The following HPSE2 variants were observed in gnomAD, a reference collection of about 807,000 sequenced individuals.
The protein encoded by HPSE2 is inactive heparanase-2.
Under a neutral mutation model 60.5 loss-of-function variants are expected in HPSE2, and 38 were observed. That is an observed-to-expected ratio of 0.63 (90% CI 0.48 to 0.82). HPSE2 has a LOEUF of 0.82. HPSE2 is among the 40% of genes least tolerant of loss of function. The pLI, the probability that HPSE2 is intolerant of heterozygous loss-of-function variation, is 0.00. For synonymous variants in HPSE2, 295 were observed against 293.2 expected (o/e 1.01, Z -0.06); for missense variants, 713 against 740.4 (o/e 0.96, Z 0.43).
At chr10:99,176,879 G>A (rs938599132) in intron 2 of HPSE2, among the ~76,000 whole-genome samples, 1 of 151,792 alleles carries the variant, frequency 6.6e-6, no homozygotes, top group African/African-American at 2.4e-5. Context: ...GAAAAAGGTC[G>A]GATTATCCAC....
chr10:98,814,064 G>A (rs901396832), intron 3 of HPSE2, among the ~76,000 whole-genome samples: 1 of 152,144 alleles, frequency 6.6e-6, no homozygotes, highest in Admixed American at 6.5e-5. Flanking sequence ...CTGCAAGTAA[G>A]TAGTGGAGCA....
At chr10:98,655,078 A>T (rs1052957403) in intron 6 of HPSE2, among the ~76,000 whole-genome samples, 1 of 152,130 alleles carries the variant, frequency 6.6e-6, no homozygotes. Context: ...GTTAAATCTC[A>T]GTCTTTTAGT....
chr10:98,910,652 G>A (rs1953953468), intron 3 of HPSE2, among the ~76,000 whole-genome samples: 1 of 152,172 alleles, frequency 6.6e-6, no homozygotes, highest in Non-Finnish European at 1.5e-5. Context: ...CAGAGGAACA[G>A]TAATCTCTCA....
chr10:99,191,190 C>CT (rs1317420843), intron 2 of HPSE2, among the ~76,000 whole-genome samples: 4 of 152,010 alleles, frequency 2.6e-5, no homozygotes, highest in Admixed American at 2.6e-4. Context: ...CTACCTGGGG[C>CT]TGGGGGGTAG....
chr10:99,106,227 C>A (rs956326678), intron 3 of HPSE2, among the ~76,000 whole-genome samples: 5 of 147,414 alleles, frequency 3.4e-5, no homozygotes, highest in African/African-American at 1.2e-4. Context: ...ATATTGAGTT[C>A]TCCAATCCAT....
chr10:98,628,379 G>T (rs1251628469), intron 7 of HPSE2, among the ~76,000 whole-genome samples: 1 of 152,162 alleles, frequency 6.6e-6, no homozygotes, highest in Non-Finnish European at 1.5e-5. Flanking sequence ...GAAACTGAGG[G>T]CTATAGTTCA....
chr10:98,817,305 T>A (rs1951314497), intron 3 of HPSE2, among the ~76,000 whole-genome samples: 2 of 152,198 alleles, frequency 1.3e-5, no homozygotes, highest in South Asian at 4.1e-4. Context: ...TGTTCAAAAA[T>A]TATGGGACTT....
intron 3 of HPSE2, among the ~76,000 whole-genome samples, chr10:98,933,833 G>A (rs780744059): frequency 7.1e-6 from 1 of 140,686 alleles, no homozygotes; most frequent in Non-Finnish European, 1.5e-5. Context: ...CTGGGTTCAC[G>A]CCATTCTCCT....
chr10:98,701,280 C>T (rs1351967702), intron 5 of HPSE2, among the ~76,000 whole-genome samples: 1 of 134,684 alleles, frequency 7.4e-6, no homozygotes, highest in Non-Finnish European at 1.6e-5. Context: ...GAAAATGTGG[C>T]ACATATACAC....
chr10:98,875,433 T>C (rs376873351), intron 3 of HPSE2, among the ~76,000 whole-genome samples: 6 of 152,024 alleles, frequency 3.9e-5, no homozygotes, highest in South Asian at 2.1e-4. Context: ...CTAGAAGAAA[T>C]TGATAAATTC....
rs141232301 is a variant in HPSE2 at position 98,548,382 on chromosome 10, C to T, written c.1321-58186G>A. ...CTGTAATCCCAGCACTTTGGGAGGC[C>T]GAGTTGGGCATATGGCTTGAGGTCA... is the stretch of plus-strand genomic sequence containing the variant. On this transcript the variant is annotated intron_variant, in intron 9 of 11. Transcript: ENST00000370552. Among the ~76,000 whole-genome samples the T allele has an allele frequency of 2.6e-5, 4 of 152,136 alleles. No individual in the cohort carries two copies. The East Asian group carries it at 5.8e-4, about 22-fold the overall frequency.
chr10:98,488,918 C>A lies in HPSE2; in HGVS notation c.1466+1133G>T, dbSNP rs562499860. ...TGACAAGACAACTGGCCCCTGCCCC[C>A]CCTCTCCTCAGAGTGATTCTTTGAA... On this transcript the variant is annotated intron_variant, in intron 10 of 11. Coordinates refer to ENST00000370552, the MANE Select transcript of HPSE2 (RefSeq NM_021828.5). Among the ~76,000 whole-genome samples, 4 of 152,312 alleles carry A rather than the reference C, an allele frequency of 2.6e-5. No individual in the cohort carries two copies. The South Asian group carries it at 8.3e-4, about 32-fold the overall frequency.
intron 9 of HPSE2, among the ~76,000 whole-genome samples, chr10:98,509,027 G>A (rs1414968985): frequency 6.6e-6 from 1 of 152,104 alleles, no homozygotes; most frequent in East Asian, 1.9e-4. Context: ...CACTTAAGAG[G>A]TTAGTTTAGA....
intron 10 of HPSE2, among the ~76,000 whole-genome samples, chr10:98,489,184 G>C (rs568156982): frequency 6.6e-6 from 1 of 152,154 alleles, no homozygotes; most frequent in Non-Finnish European, 1.5e-5. Context: ...ATATTTTCCA[G>C]GGCAGCCTAC....
intron 2 of HPSE2, among the ~76,000 whole-genome samples, chr10:99,159,364 A>T (rs1846726843): frequency 6.6e-6 from 1 of 152,186 alleles, no homozygotes; most frequent in African/African-American, 2.4e-5. Context: ...AATGATACAG[A>T]ACAGATTATA....
intron 9 of HPSE2, among the ~76,000 whole-genome samples, chr10:98,525,486 G>T (rs1309225903): frequency 6.6e-6 from 1 of 152,242 alleles, no homozygotes; most frequent in Non-Finnish European, 1.5e-5. Context: ...CTACCTGCTG[G>T]GAAGACGGGC....
At chr10:98,636,030 G>A (rs996318302) in intron 7 of HPSE2, among the ~76,000 whole-genome samples, 1 of 152,064 alleles carries the variant, frequency 6.6e-6, no homozygotes, top group Admixed American at 6.6e-5. Flanking sequence ...AGCTAGGAAG[G>A]GTGGGGAGTG....
chr10:98,900,887 T>C (rs1953648643), intron 3 of HPSE2, among the ~76,000 whole-genome samples: 1 of 152,260 alleles, frequency 6.6e-6, no homozygotes, highest in Non-Finnish European at 1.5e-5. Context: ...TATGTACATA[T>C]AAAAATGTAT....
At chr10:98,805,576 TAAAG>T (rs1951023943) in intron 3 of HPSE2, among the ~76,000 whole-genome samples, 1 of 151,804 alleles carries the variant, frequency 6.6e-6, no homozygotes, top group African/African-American at 2.4e-5. Flanking sequence ...ATTAAAAAAA[TAAAG>T]AGATGGAAAA....
Sources: allele counts gnomAD v4.1 joint callset (sites outside exome capture counted in the v4.1 genomes callset), GRCh38; gene constraint gnomAD v4.1.1; transcripts MANE v1.5; gene names NCBI Gene and HGNC (gene_info 2026-07-23, HGNC 2026-07-21).